Variants in MGAT4C observed in about 807,000 individuals in gnomAD.
MGAT4C encodes MGAT4 family member C.
A neutral mutation model predicts 40.1 loss-of-function variants in MGAT4C; 19 were observed. The observed-to-expected ratio is 0.47, with a 90% CI of 0.33 to 0.70. The LOEUF is 0.70. Ranked by LOEUF, MGAT4C falls within the 30% of genes least tolerant of loss-of-function variation. The pLI is 0.02. For synonymous variants in MGAT4C, 181 were observed against 187.1 expected (o/e 0.97, Z 0.27); for missense variants, 491 against 563.2 (o/e 0.87, Z 1.30).
At position 86,072,224 on chromosome 12, in the gene MGAT4C, TTCCC is replaced by T. The variant is rs535953190; in HGVS notation, c.-56-22505_-56-22502del. Among the ~76,000 whole-genome samples the T allele has an allele frequency of 2.4e-4, 36 of 152,232 alleles. No individual in the cohort carries two copies. In the East Asian group the frequency reaches 6.8e-3, roughly 29 times the overall value. ...GTTACAGAGCTAGTAAAACACATTTTTCCCTACTCTCAAATAGAGGACTGTCACT... is the reference window on the plus strand; with the variant it reads ...GTTACAGAGCTAGTAAAACACATTTTTACTCTCAAATAGAGGACTGTCACT... On this transcript the variant is annotated intron_variant, in intron 1 of 4. Transcript: ENST00000611864.
At chr12:85,990,086 T>C (rs1237349677) in intron 2 of MGAT4C, among the ~76,000 whole-genome samples, 1 of 152,066 alleles carries the variant, frequency 6.6e-6, no homozygotes, top group Admixed American at 6.6e-5. Context: ...TCCAAACATA[T>C]GTTTGAAAAC....
upstream of MGAT4C, among the ~76,000 whole-genome samples, chr12:86,258,321 A>G (rs910865790): frequency 1.4e-5 from 2 of 146,984 alleles, no homozygotes; most frequent in Non-Finnish European, 2.9e-5. Flanking sequence ...CTATCTATCT[A>G]TCTATCTATC....
intron 1 of MGAT4C, among the ~76,000 whole-genome samples, chr12:86,752,586 A>T (rs1951243484): frequency 6.6e-6 from 1 of 152,090 alleles, no homozygotes; most frequent in Non-Finnish European, 1.5e-5. Context: ...TCATTTAGTG[A>T]ATATCAATAT....
At chr12:86,655,927 A>G (rs1174846827) in intron 2 of MGAT4C, among the ~76,000 whole-genome samples, 1 of 152,038 alleles carries the variant, frequency 6.6e-6, no homozygotes. Context: ...GATGCTCACG[A>G]GTTGTGTGAG....
chr12:86,637,326 T>C (rs1487587931), intron 2 of MGAT4C, among the ~76,000 whole-genome samples: 1 of 152,016 alleles, frequency 6.6e-6, no homozygotes, highest in Non-Finnish European at 1.5e-5. Context: ...CATATCTTTT[T>C]CACAACTTTT....
intron 1 of MGAT4C, among the ~76,000 whole-genome samples, chr12:86,789,736 T>G (rs1441235466): frequency 2.0e-5 from 3 of 152,128 alleles, no homozygotes; most frequent in Non-Finnish European, 4.4e-5. Context: ...TGCATAGTAG[T>G]AATAAAGATG....
chr12:86,722,754 A>T (rs995804485), intron 2 of MGAT4C, among the ~76,000 whole-genome samples: 19 of 152,322 alleles, frequency 1.2e-4, no homozygotes, highest in Non-Finnish European at 2.5e-4. Context: ...ATAAAAACAA[A>T]AGCAGTTACC....
intron 2 of MGAT4C, among the ~76,000 whole-genome samples, chr12:86,447,517 A>C (rs1321758398): frequency 1.3e-5 from 2 of 152,152 alleles, no homozygotes; most frequent in South Asian, 2.1e-4. Flanking sequence ...TTTACCACTA[A>C]ATAAAATCTT....
intron 2 of MGAT4C, among the ~76,000 whole-genome samples, chr12:86,523,745 C>T (rs1958834542): frequency 1.3e-5 from 2 of 152,140 alleles, no homozygotes; most frequent in Non-Finnish European, 2.9e-5. Context: ...TCTCTAAGAG[C>T]TTGCTTTATG....
At chr12:86,405,530 A>C (rs1053277944) in intron 3 of MGAT4C, among the ~76,000 whole-genome samples, 1 of 152,046 alleles carries the variant, frequency 6.6e-6, no homozygotes, top group Non-Finnish European at 1.5e-5. Context: ...TCAATTGACT[A>C]AACGTAGTAA....
At chr12:86,249,915 G>A (rs111429597) in intron 1 of MGAT4C, among the ~76,000 whole-genome samples, 258 of 152,226 alleles carry the variant, frequency 1.7e-3, no homozygotes, top group African/African-American at 5.9e-3. Context: ...TGAGCACTCT[G>A]TGCATATCTC....
At chr12:86,732,526 G>A (rs977795003) in intron 1 of MGAT4C, among the ~76,000 whole-genome samples, 1 of 152,056 alleles carries the variant, frequency 6.6e-6, no homozygotes, top group Non-Finnish European at 1.5e-5. Context: ...CAGATCATCA[G>A]GCATTAGATT....
chr12:86,615,103 GGATA>G (rs371962874), intron 2 of MGAT4C, among the ~76,000 whole-genome samples: 107 of 152,014 alleles, frequency 7.0e-4, no homozygotes, highest in African/African-American at 2.3e-3. Context: ...GGTTAATTGA[GGATA>G]GATCCATTAT....
At chr12:86,704,292 G>C (rs575688794) in intron 2 of MGAT4C, among the ~76,000 whole-genome samples, 1 of 152,062 alleles carries the variant, frequency 6.6e-6, no homozygotes, top group South Asian at 2.1e-4. Flanking sequence ...GCTATGCTTG[G>C]ATAGAGAATG....
intron 2 of MGAT4C, among the ~76,000 whole-genome samples, chr12:86,510,364 C>A (rs184758097): frequency 1.3e-5 from 2 of 152,156 alleles, no homozygotes; most frequent in South Asian, 2.1e-4. Flanking sequence ...AAGGAAAAAC[C>A]GGTACTAGCC....
At chr12:85,980,914 G>A (rs1884515356) in intron 4 of MGAT4C, among the ~76,000 whole-genome samples, 1 of 152,080 alleles carries the variant, frequency 6.6e-6, no homozygotes, top group African/African-American at 2.4e-5. Context: ...ATAAGGGTAA[G>A]TAAGTCTTTC....
intron 1 of MGAT4C, among the ~76,000 whole-genome samples, chr12:86,807,769 C>G (rs1056391752): frequency 2.6e-5 from 4 of 152,082 alleles, no homozygotes; most frequent in African/African-American, 9.7e-5. Flanking sequence ...TCCTATTTCT[C>G]TGCAACCTTC....
At chr12:86,559,758 A>G (rs1221992341) in intron 2 of MGAT4C, among the ~76,000 whole-genome samples, 2 of 152,020 alleles carry the variant, frequency 1.3e-5, no homozygotes, top group Non-Finnish European at 2.9e-5. Flanking sequence ...AGCAAGAACA[A>G]AACAAAACCA....
intron 2 of MGAT4C, among the ~76,000 whole-genome samples, chr12:86,615,033 GA>G (rs922619787): frequency 4.0e-5 from 6 of 151,600 alleles, no homozygotes; most frequent in African/African-American, 1.2e-4. Context: ...TATCTAAAAA[GA>G]AAAAAACAAT....
Sources: allele counts gnomAD v4.1 joint callset (sites outside exome capture counted in the v4.1 genomes callset), GRCh38; gene constraint gnomAD v4.1.1; transcripts MANE v1.5; gene names NCBI Gene and HGNC (gene_info 2026-07-23, HGNC 2026-07-21).